Variants in MTFR1 observed in about 807,000 individuals in gnomAD.
The protein encoded by MTFR1 is chondrocyte protein with a poly-proline region.
A neutral mutation model predicts 38.8 loss-of-function variants in MTFR1; 28 were observed. That is an observed-to-expected ratio of 0.72 (90% CI 0.53 to 0.99). The LOEUF (loss-of-function observed/expected upper bound fraction) is 0.99, where lower values mean the gene tolerates loss of function less well. MTFR1 is among the 50% of genes least tolerant of loss of function. The probability of loss-of-function intolerance (pLI) is 0.00; values close to 1 mark genes in which losing one functional copy is unlikely to be tolerated. For missense variants in MTFR1, 358 were observed against 395.5 expected (o/e 0.91, Z 0.81); for synonymous variants, 145 against 137.0 (o/e 1.06, Z -0.41).
chr8:65,668,757 G>A (rs1175296416), intron 1 of MTFR1, among the ~76,000 whole-genome samples: 4 of 151,972 alleles, frequency 2.6e-5, no homozygotes, highest in South Asian at 2.1e-4. Flanking sequence ...CAAGCAATCC[G>A]CCTCCCTTGG....
chr8:65,694,834 G>A (rs1376503086), intron 4 of MTFR1, among the ~76,000 whole-genome samples: 3 of 152,156 alleles, frequency 2.0e-5, no homozygotes, highest in African/African-American at 4.8e-5. Flanking sequence ...ATGGAAGGCT[G>A]GTATTCCTGG....
chr8:65,751,718 C>A (rs1807974661), intron 3 of MTFR1, among the ~76,000 whole-genome samples: 1 of 152,206 alleles, frequency 6.6e-6, no homozygotes, highest in African/African-American at 2.4e-5. Context: ...TCTCGAACTC[C>A]CGACCTCAGG....
chr8:65,727,095 CTTTCA>C, intron 3 of MTFR1: 6 of 1,071,166 alleles, frequency 5.6e-6, no homozygotes, highest in South Asian at 2.7e-5. Flanking sequence ...ATTTTCATTA[CTTTCA>C]TTTCTTCAAA....
chr8:65,753,878 C>A (rs1186514448), intron 3 of MTFR1, among the ~76,000 whole-genome samples: 1 of 152,112 alleles, frequency 6.6e-6, no homozygotes, highest in Non-Finnish European at 1.5e-5. Context: ...TGCCTTTTAT[C>A]TCATAACCTT....
At position 65,728,213 on chromosome 8, in the gene MTFR1, A is replaced by G. The variant is rs190582911; in HGVS notation, c.*48+8732A>G. ...TCTAACAGTGAAAATTTTTGAGCATACACCACTTATATTAAGTATATGTAC... is the reference window on the plus strand; with the variant it reads ...TCTAACAGTGAAAATTTTTGAGCATGCACCACTTATATTAAGTATATGTAC... On this transcript the variant is annotated intron_variant, in intron 3 of 3. Transcript: ENST00000521247. The G allele has an allele frequency of 2.0e-5, 3 of 152,366 alleles. No individual in the cohort carries two copies. In the East Asian group the frequency reaches 5.8e-4, roughly 29 times the overall value. The allele number at this position is 152,366 out of a possible 1,614,324, so 9.4% of individuals were successfully genotyped here.
intron 1 of MTFR1, among the ~76,000 whole-genome samples, chr8:65,657,682 G>T (rs1051461788): frequency 2.6e-5 from 4 of 151,566 alleles, no homozygotes; most frequent in Admixed American, 2.6e-4. Context: ...TCCAGCCTGG[G>T]TGACAGAAGA....
chr8:65,653,023 A>G (rs1413581403), intron 1 of MTFR1, among the ~76,000 whole-genome samples: 2 of 152,212 alleles, frequency 1.3e-5, no homozygotes, highest in Non-Finnish European at 2.9e-5. Flanking sequence ...GCTTTCCTAA[A>G]GAGATGATTT....
chr8:65,729,440 G>C (rs1439685780), intron 3 of MTFR1, among the ~76,000 whole-genome samples: 2 of 145,764 alleles, frequency 1.4e-5, no homozygotes, highest in Non-Finnish European at 3.0e-5. Flanking sequence ...GAAGGTACCT[G>C]AGATACTGGT....
intron 3 of MTFR1, among the ~76,000 whole-genome samples, chr8:65,686,407 A>G (rs1382748924): frequency 6.6e-6 from 1 of 151,652 alleles, no homozygotes; most frequent in Non-Finnish European, 1.5e-5. Flanking sequence ...CCCCGTCTCT[A>G]CTAAAAATAC....
At chr8:65,776,169 C>G (rs1322593001), downstream of MTFR1, among the ~76,000 whole-genome samples, 1 of 151,952 alleles carries the variant, frequency 6.6e-6, no homozygotes, top group African/African-American at 2.4e-5. Flanking sequence ...TGAACAGGGT[C>G]CAAGATTCAC....
intron 3 of MTFR1, among the ~76,000 whole-genome samples, chr8:65,767,706 TAG>T (rs940286545): frequency 1.3e-5 from 2 of 152,158 alleles, no homozygotes; most frequent in African/African-American, 4.8e-5. Flanking sequence ...GCTTAACATG[TAG>T]AGTTTCTTGG....
chr8:65,710,966 T>C (rs1398511710), downstream of MTFR1, among the ~76,000 whole-genome samples: 9 of 148,054 alleles, frequency 6.1e-5, no homozygotes, highest in Admixed American at 3.4e-4. Context: ...TGAGTTCTGA[T>C]TGAGGGACTC....
chr8:65,669,897 T>C lies in MTFR1; in HGVS notation c.-56T>C. The C allele has an allele frequency of 7.4e-7, 1 of 1,347,946 alleles. No individual in the cohort carries two copies. The highest frequency in any genetic ancestry group is 1.2e-5 in the South Asian group (1 of 80,778). The allele number at this position is 1,347,946 out of a possible 1,614,324, so 83.5% of individuals were successfully genotyped here. On this transcript the variant is annotated 5_prime_UTR_variant, in exon 2 of 8. Coordinates refer to ENST00000262146, the MANE Select transcript of MTFR1 (RefSeq NM_014637.4). ...GTGTGTTTTATGGACCATGTGCTGC[T>C]ATGTATGCCTGAAGAAGTACTTGAA... is the stretch of plus-strand genomic sequence containing the variant.
intron 3 of MTFR1, among the ~76,000 whole-genome samples, chr8:65,756,047 C>G (rs912465370): frequency 6.6e-6 from 1 of 152,218 alleles, no homozygotes; most frequent in East Asian, 1.9e-4. Flanking sequence ...TCGTGGTTGA[C>G]AGTTTTTTGT....
intron 3 of MTFR1, among the ~76,000 whole-genome samples, chr8:65,691,052 G>A (rs931062859): frequency 3.3e-5 from 5 of 152,078 alleles, no homozygotes; most frequent in Admixed American, 6.6e-5. Flanking sequence ...TATTTAAGTT[G>A]TATGAGATAC....
intron 3 of MTFR1, among the ~76,000 whole-genome samples, chr8:65,746,786 C>CATAAACATTTA (rs1360259281): frequency 1.3e-5 from 2 of 152,090 alleles, no homozygotes; most frequent in African/African-American, 4.8e-5. Flanking sequence ...ACATTTAAAG[C>CATAAACATTTA]AGGCATGAAC....
chr8:65,645,290 C>G (rs1394621356), intron 1 of MTFR1, among the ~76,000 whole-genome samples: 1 of 152,260 alleles, frequency 6.6e-6, no homozygotes, highest in African/African-American at 2.4e-5. Flanking sequence ...GAAGTTTAAC[C>G]AGCTTCCTGT....
chr8:65,647,010 G>A (rs1351687286), intron 1 of MTFR1, among the ~76,000 whole-genome samples: 1 of 152,218 alleles, frequency 6.6e-6, no homozygotes, highest in African/African-American at 2.4e-5. Flanking sequence ...CAGAAGTCCA[G>A]AAGTCAGGTC....
chr8:65,762,602 A>G (rs912541558), intron 3 of MTFR1, among the ~76,000 whole-genome samples: 1 of 152,236 alleles, frequency 6.6e-6, no homozygotes, highest in Admixed American at 6.5e-5. Flanking sequence ...TAAAGATTAA[A>G]TGAGATAATA....
Sources: gnomAD v4.1 joint callset for allele counts (sites outside exome capture counted in the v4.1 genomes callset) on GRCh38, gnomAD v4.1.1 for gene constraint, MANE v1.5 for transcripts, NCBI Gene and HGNC (gene_info 2026-07-23, HGNC 2026-07-21) for gene names.